FHAD1: variants seen among roughly 807,000 people sequenced by gnomAD.
FHAD1 encodes the protein forkhead-associated domain-containing protein 1.
In FHAD1, 146 loss-of-function variants were observed where a neutral mutation model predicts 191.3. The ratio of observed to expected loss-of-function variants is 0.76; its 90% confidence interval spans 0.67 to 0.88. The LOEUF (loss-of-function observed/expected upper bound fraction) is 0.88, where lower values mean the gene tolerates loss of function less well. Ranked by LOEUF, FHAD1 falls within the 40% of genes least tolerant of loss-of-function variation. The pLI, the probability that FHAD1 is intolerant of heterozygous loss-of-function variation, is 0.00. For synonymous variants in FHAD1, 616 were observed against 672.3 expected, an observed-to-expected ratio of 0.92 and a Z score of 1.29; for missense variants, 1,635 against 1,785.8, an observed-to-expected ratio of 0.92 and a Z score of 1.52.
chr1:15,296,876 C>T, intron 5 of FHAD1, 83 bp downstream of exon 5: 2 of 1,066,302 alleles, frequency 1.9e-6, no homozygotes, highest in Non-Finnish European at 2.7e-6. Flanking sequence ...TCTGTGTGGC[C>T]CAGGAGTGCC....
intron 10 of FHAD1, among the ~76,000 whole-genome samples, chr1:15,323,025 G>A (rs955435343): frequency 3.3e-5 from 5 of 152,160 alleles, no homozygotes; most frequent in African/African-American, 9.7e-5. Context: ...TGATAAACCC[G>A]TCAATTTCGT....
At chr1:15,297,908 C>T (rs113887401) in intron 5 of FHAD1, among the ~76,000 whole-genome samples, 5,415 of 151,316 alleles carry the variant, frequency 0.036, 250 homozygotes, top group African/African-American at 0.11. Context: ...TAAGTTATTG[C>T]GGTATAGGTG....
intron 22 of FHAD1, among the ~76,000 whole-genome samples, chr1:15,361,595 C>T (rs1230322106): frequency 2.6e-5 from 4 of 151,924 alleles, no homozygotes; most frequent in South Asian, 2.1e-4. Flanking sequence ...ATTTTGTCCC[C>T]GTAGTAACAA....
intron 31 of FHAD1, among the ~76,000 whole-genome samples, chr1:15,384,955 G>A (rs1238744364): frequency 5.9e-5 from 9 of 152,014 alleles, no homozygotes; most frequent in African/African-American, 9.7e-5. Flanking sequence ...AGCGACCTCC[G>A]ATCCCGGCCC....
At chr1:15,361,087 A>T (rs1694656783) in intron 22 of FHAD1, among the ~76,000 whole-genome samples, 2 of 152,194 alleles carry the variant, frequency 1.3e-5, no homozygotes, top group South Asian at 4.1e-4. Context: ...TAATGCACTC[A>T]TTACCAGCCA....
rs1667130845 is a variant in FHAD1, at chr1:15,296,793, G to A, written c.678G>A (p.Lys226=). 3.9e-6 allele frequency: 6 copies of A among 1,550,700 alleles called. No individual in the cohort carries two copies. The highest frequency in any genetic ancestry group is 1.2e-5 in the South Asian group (1 of 84,038). The part of the protein sequence containing the change: ...YVEEDLAQQD[K]DEIILLLGKE... ...AGGAGGACTTGGCCCAGCAGGACAAGGTGAGGGAGGGGTCTGGGGAAGGGT... is the reference window on the plus strand; with the variant it reads ...AGGAGGACTTGGCCCAGCAGGACAAAGTGAGGGAGGGGTCTGGGGAAGGGT... The change falls in exon 5 of 34, where the codon AAG becomes AAA. Residue 226 remains lysine, a splice_region_variant and synonymous_variant. Coordinates refer to ENST00000688493, the MANE Select transcript of FHAD1 (RefSeq NM_001391957.1).
At chr1:15,261,690 C>T (rs934943223) in intron 2 of FHAD1, among the ~76,000 whole-genome samples, 2 of 152,188 alleles carry the variant, frequency 1.3e-5, no homozygotes, top group Non-Finnish European at 2.9e-5. Context: ...CCTCTGCTCC[C>T]AGACTCACAG....
intron 1 of FHAD1, among the ~76,000 whole-genome samples, chr1:15,239,176 G>A (rs905757728): frequency 1.6e-4 from 25 of 152,060 alleles, no homozygotes; most frequent in South Asian, 4.1e-4. Flanking sequence ...CAAAGTGCTG[G>A]GATTACAGGC....
intron 21 of FHAD1, among the ~76,000 whole-genome samples, chr1:15,359,109 A>G (rs1161218501): frequency 6.6e-6 from 1 of 152,080 alleles, no homozygotes; most frequent in African/African-American, 2.4e-5. Context: ...GGACGACATA[A>G]GGATGGGAGT....
intron 31 of FHAD1, chr1:15,383,914 T>G (rs984868631): frequency 2.3e-6 from 1 of 436,816 alleles, no homozygotes; most frequent in East Asian, 7.1e-5. Context: ...GTTCTCCTGC[T>G]GTCTGCAGGG....
At chr1:15,257,774 C>A (rs138133826) in intron 2 of FHAD1, among the ~76,000 whole-genome samples, 1 of 152,212 alleles carries the variant, frequency 6.6e-6, no homozygotes, top group Admixed American at 6.5e-5. Context: ...ATACACACAA[C>A]GTAACATTTA....
chr1:15,383,535 C>T (rs1177299434), intron 31 of FHAD1: 1 of 339,450 alleles, frequency 2.9e-6, no homozygotes, highest in Non-Finnish European at 5.8e-6. Context: ...GTCTGCTTTG[C>T]AGTTGACATA....
Position 15,312,958 on chromosome 1 carries a change from C to T in FHAD1, c.1040-99C>T. ...CTCCTGGGATCCTTGGAGACACCTC[C>T]CTTCTCAGTGCCAGGCTCGTCACAA... On this transcript the variant is annotated intron_variant, in intron 7 of 33. Coordinates refer to ENST00000688493, the MANE Select transcript of FHAD1 (RefSeq NM_001391957.1). This position sits in a 1 kb window ranked among gnomAD's most constrained non-coding sequence, Gnocchi z 4.7. The T allele has an allele frequency of 6.9e-7, 1 of 1,445,246 alleles. No individual in the cohort carries two copies. The highest frequency in any genetic ancestry group is 9.4e-7 in the Non-Finnish European group (1 of 1,069,106). 89.5% of individuals were successfully genotyped at this position (1,445,246 alleles called of 1,614,324 possible). A position where few individuals can be genotyped will look rare whatever the true frequency, so the allele number is the denominator to read the frequency against.
Position 15,289,510 on chromosome 1 carries a change from G to C in FHAD1, c.412G>C (p.Gly138Arg), listed in dbSNP as rs1278316937. Residue 138 changes from glycine (G) to arginine (R), a missense_variant, in exon 4 of 34, where the codon GGT becomes CGT. By Grantham distance (125) the Gly-to-Arg change is moderately radical (BLOSUM62 -2). Coordinates refer to ENST00000688493, the MANE Select transcript of FHAD1 (RefSeq NM_001391957.1). The surrounding 1 kb of genome is among the most constrained non-coding windows in gnomAD (Gnocchi z 4.2). ...ACCATCACATATCCCCTTCCACCAAGGTGTCCAGCCAGCACCGATGCAAAG... is the reference window on the plus strand; with the variant it reads ...ACCATCACATATCCCCTTCCACCAACGTGTCCAGCCAGCACCGATGCAAAG... ...PPPSHIPFHQ[G>R]VQPAPMQRSW... The C allele has an allele frequency of 1.3e-6, 2 of 1,551,842 alleles. No individual in the cohort carries two copies. Among genetic ancestry groups the C allele is most frequent in the East Asian group, 2.4e-5 (1 of 40,908 alleles).
At chr1:15,248,666 A>G (rs1326886255) in intron 1 of FHAD1, among the ~76,000 whole-genome samples, 1 of 151,376 alleles carries the variant, frequency 6.6e-6, no homozygotes, top group African/African-American at 2.4e-5. Flanking sequence ...GCTCACTGCA[A>G]CCTCTGCTGC....
At chr1:15,237,778 G>C (rs1477323811) in intron 1 of FHAD1, among the ~76,000 whole-genome samples, 1 of 149,072 alleles carries the variant, frequency 6.7e-6, no homozygotes, top group African/African-American at 2.5e-5. Context: ...CGAGAAAAGA[G>C]AGAGTCTGTG....
At chr1:15,239,099 G>A (rs1460348691) in intron 1 of FHAD1, among the ~76,000 whole-genome samples, 2 of 152,060 alleles carry the variant, frequency 1.3e-5, no homozygotes, top group Admixed American at 6.6e-5. Flanking sequence ...GTAAAAGCAA[G>A]GTCTGTCTAT....
At chr1:15,246,238 GC>G (rs1646015153), upstream of FHAD1, among the ~76,000 whole-genome samples, 1 of 152,148 alleles carries the variant, frequency 6.6e-6, no homozygotes. Context: ...CGGGAAGTCT[GC>G]CCCCATGATT....
chr1:15,338,107 G>C (rs1685016784), intron 14 of FHAD1, among the ~76,000 whole-genome samples: 1 of 152,078 alleles, frequency 6.6e-6, no homozygotes, highest in South Asian at 2.1e-4. Flanking sequence ...TTCCCGGGAG[G>C]AGCACTGCCT....
Sources: gnomAD v4.1 joint callset for allele counts (sites outside exome capture counted in the v4.1 genomes callset) on GRCh38, gnomAD v4.1.1 for gene constraint, Gnocchi (gnomAD v3.1) non-coding constraint, MANE v1.5 for transcripts, NCBI Gene and HGNC (gene_info 2026-07-23, HGNC 2026-07-21) for gene names.